The following PLEKHA7 variants were observed in gnomAD, a reference collection of about 807,000 sequenced individuals.
The protein encoded by PLEKHA7 is pleckstrin homology domain containing A7, also known as pleckstrin homology domain-containing family A member 7.
In PLEKHA7, 104 loss-of-function variants were observed where a neutral mutation model predicts 170.0. The observed-to-expected ratio is 0.61, with a 90% CI of 0.52 to 0.72. The LOEUF (loss-of-function observed/expected upper bound fraction) is 0.72, where lower values mean the gene tolerates loss of function less well. Among genes scored for constraint, PLEKHA7 ranks in the 30% least tolerant of loss-of-function variants. The probability of loss-of-function intolerance (pLI) is 0.00; values close to 1 mark genes in which losing one functional copy is unlikely to be tolerated. For synonymous variants in PLEKHA7, 648 were observed against 660.8 expected (o/e 0.98, Z 0.30); for missense variants, 1,615 against 1,671.7 (o/e 0.97, Z 0.59).
chr11:16,781,006 C>A, intron 26 of PLEKHA7: 1 of 986,354 alleles, frequency 1.0e-6, no homozygotes, highest in Non-Finnish European at 1.2e-6. Context: ...GTGGCACCGT[C>A]CTGGAAGACA....
chr11:16,908,671 T>C (rs1448151671), intron 3 of PLEKHA7, among the ~76,000 whole-genome samples: 1 of 152,056 alleles, frequency 6.6e-6, no homozygotes, highest in Admixed American at 6.6e-5. Context: ...AATTTTTGTA[T>C]TTTTAGTAGA....
chr11:16,915,351 CTTT>C (rs1858562280), intron 3 of PLEKHA7, among the ~76,000 whole-genome samples: 1 of 152,046 alleles, frequency 6.6e-6, no homozygotes, highest in Non-Finnish European at 1.5e-5. Flanking sequence ...GCCAAGTGGA[CTTT>C]TTTATTTTTA....
At chr11:16,870,989 C>T (rs1263813674) in intron 4 of PLEKHA7, 110 bp downstream of exon 4, 3 of 776,716 alleles carry the variant, frequency 3.9e-6, no homozygotes, top group East Asian at 3.0e-5. Context: ...AACCCACTCA[C>T]CCCAAGCCCC....
In PLEKHA7 at chr11:16,967,671, C is replaced by T. The variant is rs1862456861; in HGVS notation, c.221+46318G>A. 2.6e-5 allele frequency among the ~76,000 whole-genome samples: 4 copies of T among 152,214 alleles called. No homozygotes were observed. In the South Asian group the frequency reaches 6.2e-4, roughly 24 times the overall value. Reference sequence around the variant, plus strand: ...CCATCACCCCTGCTTTGCCTCCCTCCAATCAGCTCCCCTTCTGCAACACTC... The same window carrying T: ...CCATCACCCCTGCTTTGCCTCCCTCTAATCAGCTCCCCTTCTGCAACACTC... On this transcript the variant is annotated intron_variant, in intron 3 of 26. Coordinates refer to ENST00000531066, the MANE Select transcript of PLEKHA7 (RefSeq NM_001329630.2).
chr11:16,966,276 A>G (rs1468123938), intron 3 of PLEKHA7, among the ~76,000 whole-genome samples: 1 of 145,838 alleles, frequency 6.9e-6, no homozygotes, highest in Non-Finnish European at 1.5e-5. Context: ...GACTGGAGGC[A>G]TGGTTGTGCA....
intron 3 of PLEKHA7, among the ~76,000 whole-genome samples, chr11:16,890,885 A>AT (rs1856562862): frequency 6.6e-6 from 1 of 152,078 alleles, no homozygotes; most frequent in South Asian, 2.1e-4. Flanking sequence ...AATATGTAAA[A>AT]ATATACATTT....
At chr11:16,995,889 C>T (rs1291089654) in intron 3 of PLEKHA7, among the ~76,000 whole-genome samples, 1 of 152,140 alleles carries the variant, frequency 6.6e-6, no homozygotes, top group Non-Finnish European at 1.5e-5. Context: ...CATTTTAAAA[C>T]CTTAGTTAAA....
chr11:16,984,593 C>T (rs146378986), intron 3 of PLEKHA7, among the ~76,000 whole-genome samples: 73 of 152,302 alleles, frequency 4.8e-4, no homozygotes, highest in Middle Eastern at 3.4e-3. Flanking sequence ...AAAGAGGCCT[C>T]TTCTGACCAT....
chr11:16,787,348 C>G, intron 23 of PLEKHA7: 1 of 456,632 alleles, frequency 2.2e-6, no homozygotes, highest in Non-Finnish European at 2.9e-6. Context: ...TCAAGTCCCT[C>G]CAGAACCCCA....
chr11:16,950,611 C>G (rs188224259), intron 3 of PLEKHA7, among the ~76,000 whole-genome samples: 1 of 152,194 alleles, frequency 6.6e-6, no homozygotes, highest in African/African-American at 2.4e-5. Flanking sequence ...TACTATCCAG[C>G]CTGATCTGCT....
intron 3 of PLEKHA7, among the ~76,000 whole-genome samples, chr11:16,996,502 C>G (rs937083728): frequency 1.3e-5 from 2 of 152,148 alleles, no homozygotes; most frequent in East Asian, 1.9e-4. Flanking sequence ...GAGGTCACAC[C>G]CAGTTCCAGA....
chr11:16,869,130 C>T (rs1327152287), intron 4 of PLEKHA7, among the ~76,000 whole-genome samples: 1 of 152,222 alleles, frequency 6.6e-6, no homozygotes. Flanking sequence ...GGGGAATCCA[C>T]ATATCCTGGC....
At chr11:16,902,856 C>T (rs752196155) in intron 3 of PLEKHA7, among the ~76,000 whole-genome samples, 1 of 152,192 alleles carries the variant, frequency 6.6e-6, no homozygotes, top group Non-Finnish European at 1.5e-5. Flanking sequence ...GCTGGGCACA[C>T]AATAAACAGT....
intron 3 of PLEKHA7, among the ~76,000 whole-genome samples, chr11:16,910,586 C>G (rs1331522741): frequency 6.6e-6 from 1 of 152,208 alleles, no homozygotes; most frequent in African/African-American, 2.4e-5. Flanking sequence ...ACTGGGACAA[C>G]TGGGTTGCAA....
At chr11:16,962,821 C>T (rs1203893980) in intron 3 of PLEKHA7, among the ~76,000 whole-genome samples, 1 of 152,152 alleles carries the variant, frequency 6.6e-6, no homozygotes, top group African/African-American at 2.4e-5. Context: ...CTAAGAATGT[C>T]TCATGTACCC....
At chr11:16,890,679 G>C (rs1326662449) in intron 3 of PLEKHA7, among the ~76,000 whole-genome samples, 1 of 152,148 alleles carries the variant, frequency 6.6e-6, no homozygotes, top group African/African-American at 2.4e-5. Context: ...TGAGGAAACT[G>C]AGACCTGGGA....
chr11:16,824,765 G>A (rs1047649124), intron 10 of PLEKHA7, among the ~76,000 whole-genome samples: 1 of 152,068 alleles, frequency 6.6e-6, no homozygotes, highest in Non-Finnish European at 1.5e-5. Flanking sequence ...GTTCCCTATT[G>A]CTTTTTCAAA....
chr11:16,813,768 A>C (rs901875027), intron 12 of PLEKHA7, among the ~76,000 whole-genome samples: 2 of 152,214 alleles, frequency 1.3e-5, no homozygotes, highest in Admixed American at 6.5e-5. Context: ...CCATGTCAGG[A>C]GCTACCTGAG....
rs117919030 is a variant in PLEKHA7, at chr11:16,929,837, T to C, written c.222-58655A>G. On this transcript the variant is annotated intron_variant, in intron 3 of 26. Coordinates refer to ENST00000531066, the MANE Select transcript of PLEKHA7 (RefSeq NM_001329630.2). ...GGCCAACATGGTGAAACCCAGTCCCTAGTAAAAATACAAAAAATTAGCTGG... is the reference window on the plus strand; with the variant it reads ...GGCCAACATGGTGAAACCCAGTCCCCAGTAAAAATACAAAAAATTAGCTGG... Among the ~76,000 whole-genome samples, 1,077 of 152,222 alleles carry C rather than the reference T, an allele frequency of 7.1e-3. 14 individuals are homozygous for C. The highest frequency in any genetic ancestry group is 0.058 in the East Asian group (297 of 5,156).
Sources: gnomAD v4.1 joint callset for allele counts (sites outside exome capture counted in the v4.1 genomes callset) on GRCh38, gnomAD v4.1.1 for gene constraint, MANE v1.5 for transcripts, NCBI Gene and HGNC (gene_info 2026-07-23, HGNC 2026-07-21) for gene names.